Variants in TRPM6 observed in about 807,000 individuals in gnomAD.
The protein encoded by TRPM6 is transient receptor potential cation channel subfamily M member 6, also known as channel kinase 2.
Under a neutral mutation model 247.6 loss-of-function variants are expected in TRPM6, and 111 were observed. The observed-to-expected ratio is 0.45, with a 90% CI of 0.38 to 0.52. The LOEUF is 0.52. TRPM6 is among the 20% of genes least tolerant of loss of function. The pLI is 0.00. For missense variants in TRPM6, 2,126 were observed against 2,421.5 expected, an observed-to-expected ratio of 0.88 and a Z score of 2.56; for synonymous variants, 892 against 853.8, an observed-to-expected ratio of 1.04 and a Z score of -0.78.
intron 1 of TRPM6, among the ~76,000 whole-genome samples, chr9:74,860,795 A>C (rs996536930): frequency 6.6e-6 from 1 of 152,210 alleles, no homozygotes; most frequent in African/African-American, 2.4e-5. Flanking sequence ...AGGCAGGTGG[A>C]TCACTTGAGC....
At chr9:74,787,379 C>G (rs1489565474) in intron 20 of TRPM6, among the ~76,000 whole-genome samples, 1 of 151,578 alleles carries the variant, frequency 6.6e-6, no homozygotes, top group African/African-American at 2.4e-5. Context: ...TATTGGAACT[C>G]ACTAAGATAA....
chr9:74,834,103 C>T lies in TRPM6; in HGVS notation c.564G>A (p.Gly188=), dbSNP rs761926741. The T allele has an allele frequency of 6.8e-6, 11 of 1,614,066 alleles. No homozygotes were observed. Among genetic ancestry groups the T allele is most frequent in the Non-Finnish European group, 8.5e-6 (10 of 1,179,958 alleles). The change falls in exon 6 of 39, where the codon GGG becomes GGA. Residue 188 remains glycine, a synonymous_variant. Transcript: ENST00000360774. ...GINTGVSKHV[G]DALKSHSSHS... ...GAGAGGAATGGGATTTCAAGGCATCCCCAACATGCTTGGACACTCCTATGA... is the reference window on the plus strand; with the variant it reads ...GAGAGGAATGGGATTTCAAGGCATCTCCAACATGCTTGGACACTCCTATGA...
Position 74,728,323 on chromosome 9 carries a change from G to A in TRPM6, c.5851C>T (p.Pro1951Ser), listed in dbSNP as rs1264867879. The part of the protein sequence containing the change: ...VKQSRGMVFG[P>S]ANLGEDAIRN... ...ATTGCATCTTCCCCCAAATTGGCCG[G>A]TCCAAACACCATTCCTCTTGATCTA... Residue 1951 changes from proline to serine, a missense_variant, in exon 38 of 39, where the codon CCG becomes TCG. Around this residue, in one of 3 missense-constraint regions of TRPM6, gnomAD observed 327 missense variants for 397.7 expected, o/e 0.82. Transcript: ENST00000360774. The A allele has an allele frequency of 1.9e-6, 3 of 1,613,254 alleles. No homozygotes were observed. The highest frequency in any genetic ancestry group is 2.5e-6 in the Non-Finnish European group (3 of 1,179,294).
chr9:74,816,444 T>C (rs1208646859), intron 11 of TRPM6, among the ~76,000 whole-genome samples: 1 of 143,626 alleles, frequency 7.0e-6, no homozygotes, highest in African/African-American at 2.7e-5. Context: ...CTTTTCAGCT[T>C]CAGGTAGATT....
Position 74,804,435 on chromosome 9 carries a change from T to C in TRPM6, c.1639-549A>G, listed in dbSNP as rs145516925. 2,713 of 554,488 alleles carry C rather than the reference T, an allele frequency of 4.9e-3. 70 individuals carry two copies. The highest frequency in any genetic ancestry group is 0.047 in the African/African-American group (2,481 of 52,646). 34.3% of individuals were successfully genotyped at this position (554,488 alleles called of 1,614,324 possible). A position where few individuals can be genotyped will look rare whatever the true frequency, so the allele number is the denominator to read the frequency against. On this transcript the variant is annotated intron_variant, in intron 14 of 38. Coordinates refer to ENST00000360774, the MANE Select transcript of TRPM6 (RefSeq NM_017662.5). Reference sequence around the variant, plus strand: ...CAAGATACAAAAACAAAAAGAAGCATTCTTAAAGGGACTAACATAAAATAT... The same window carrying C: ...CAAGATACAAAAACAAAAAGAAGCACTCTTAAAGGGACTAACATAAAATAT...
At chr9:74,876,756 G>A (rs925530207) in intron 1 of TRPM6, among the ~76,000 whole-genome samples, 2 of 152,190 alleles carry the variant, frequency 1.3e-5, no homozygotes, top group African/African-American at 4.8e-5. Context: ...AATTATGGGT[G>A]AGACTAACTA....
intron 38 of TRPM6, among the ~76,000 whole-genome samples, chr9:74,727,217 C>CA: frequency 6.6e-6 from 1 of 151,698 alleles, no homozygotes; most frequent in East Asian, 1.9e-4. Context: ...CCTGTCTCTA[C>CA]AAAAAATACA....
At chr9:74,734,969 T>C (rs1825644623) in intron 36 of TRPM6, among the ~76,000 whole-genome samples, 1 of 152,096 alleles carries the variant, frequency 6.6e-6, no homozygotes, top group Non-Finnish European at 1.5e-5. Context: ...TCCCAGCACT[T>C]TGGGAGGCCG....
intron 19 of TRPM6, among the ~76,000 whole-genome samples, chr9:74,791,398 T>G (rs1388806865): frequency 6.6e-6 from 1 of 152,164 alleles, no homozygotes; most frequent in South Asian, 2.1e-4. Flanking sequence ...ATATACAAAC[T>G]CTTGGCCATG....
rs1160140175 is a variant in TRPM6, at chr9:74,887,832, G to C, written c.25C>G (p.Arg9Gly). 1 of 1,613,934 alleles carries C rather than the reference G, an allele frequency of 6.2e-7. No individual in the cohort carries two copies. Among genetic ancestry groups the C allele is most frequent in the African/African-American group, 1.3e-5 (1 of 74,892 alleles). The stretch of plus-strand genomic sequence containing the variant: ...GAGCAGCCTGAGCTTACCTGCAAGC[G>C]CTCCAAGACAGGTTGTTCTTTCATC... MKEQPVLE[R>G]LQSQKSWIKG... Residue 9 changes from arginine to glycine, a missense_variant, in exon 1 of 39, where the codon CGC (arginine) becomes GGC (glycine). Physicochemically the swap from Arg to Gly is moderately radical, Grantham distance 125. Coordinates refer to ENST00000360774, the MANE Select transcript of TRPM6 (RefSeq NM_017662.5).
rs1831195904 is a variant in TRPM6 at position 74,876,531 on chromosome 9, G to A, written c.33+11293C>T. Reference sequence around the variant, plus strand: ...GAGGATACTGAATCTTAGAGAGGCTGAGTAATTTCCCTAAGGAACACAACA... The same window carrying A: ...GAGGATACTGAATCTTAGAGAGGCTAAGTAATTTCCCTAAGGAACACAACA... On this transcript the variant is annotated intron_variant, in intron 1 of 38. Transcript: ENST00000360774. 3.3e-5 allele frequency among the ~76,000 whole-genome samples: 5 copies of A among 152,358 alleles called. No individual in the cohort carries two copies. The South Asian group carries it at 1.0e-3, about 32-fold the overall frequency.
chr9:74,791,701 T>C (rs1454226283), intron 19 of TRPM6, among the ~76,000 whole-genome samples: 1 of 152,150 alleles, frequency 6.6e-6, no homozygotes, highest in Admixed American at 6.5e-5. Flanking sequence ...ACCAAACACT[T>C]GCATCATTTT....
intron 14 of TRPM6, among the ~76,000 whole-genome samples, chr9:74,806,387 A>G (rs1828528486): frequency 6.6e-6 from 1 of 152,070 alleles, no homozygotes; most frequent in African/African-American, 2.4e-5. Flanking sequence ...TGGCCTCCCA[A>G]AGTCTTGGGA....
chr9:74,728,424 A>G (rs1431965280), intron 37 of TRPM6, 79 bp from the exon 38 acceptor site: 2 of 971,500 alleles, frequency 2.1e-6, no homozygotes, highest in Non-Finnish European at 3.3e-6. Flanking sequence ...GATACCGAAC[A>G]GTATCCCATA....
At chr9:74,724,930 C>G (rs1007727561) in intron 38 of TRPM6, among the ~76,000 whole-genome samples, 184 bp from the exon 39 acceptor site, 4 of 152,190 alleles carry the variant, frequency 2.6e-5, no homozygotes, top group Non-Finnish European at 4.4e-5. Flanking sequence ...CCCAATACCC[C>G]CCTTCCTTCC....
At chr9:74,804,329 A>T (rs963052127) in intron 14 of TRPM6, 6 of 424,986 alleles carry the variant, frequency 1.4e-5, no homozygotes, top group Middle Eastern at 1.4e-3. Flanking sequence ...CTCAGGTATT[A>T]TATAATATCT....
At chr9:74,858,342 G>A (rs1187079156) in intron 2 of TRPM6, among the ~76,000 whole-genome samples, 1 of 152,134 alleles carries the variant, frequency 6.6e-6, no homozygotes, top group Non-Finnish European at 1.5e-5. Context: ...AGCTGAGATT[G>A]CGCCACTGCA....
chr9:74,844,060 A>T (rs1358302835), intron 3 of TRPM6, among the ~76,000 whole-genome samples: 1 of 152,210 alleles, frequency 6.6e-6, no homozygotes, highest in Non-Finnish European at 1.5e-5. Context: ...CATACTAAAG[A>T]CAAATGTACT....
chr9:74,807,900 A>T, intron 14 of TRPM6, 134 bp downstream of exon 14: 2 of 979,802 alleles, frequency 2.0e-6, no homozygotes, highest in Non-Finnish European at 3.2e-6. Flanking sequence ...CTTCACATAC[A>T]GCAGATAACA....
Sources: allele counts gnomAD v4.1 joint callset (sites outside exome capture counted in the v4.1 genomes callset), GRCh38; gene constraint gnomAD v4.1.1; regional missense constraint gnomAD v4.1.1; transcripts MANE v1.5; gene names NCBI Gene and HGNC (gene_info 2026-07-23, HGNC 2026-07-21).